IGFL2: variants seen among roughly 807,000 people sequenced by gnomAD.
The protein encoded by IGFL2 is insulin growth factor-like family member 2.
A neutral mutation model predicts 13.9 loss-of-function variants in IGFL2; 7 were observed. The ratio of observed to expected loss-of-function variants is 0.51; its 90% CI spans 0.29 to 0.95. The LOEUF (loss-of-function observed/expected upper bound fraction) is 0.95, where lower values mean the gene tolerates loss of function less well. Ranked by LOEUF, IGFL2 falls within the 40% of genes least tolerant of loss-of-function variation. The pLI, the probability that IGFL2 is intolerant of heterozygous loss-of-function variation, is 0.08. For synonymous variants in IGFL2, 55 were observed against 55.8 expected, an observed-to-expected ratio of 0.99 and a Z score of 0.07; for missense variants, 138 against 147.8, an observed-to-expected ratio of 0.93 and a Z score of 0.34.
chr19:46,079,153 G>A, the IGFL2 span, among the ~76,000 whole-genome samples: 2 of 152,284 alleles, frequency 1.3e-5, no homozygotes, highest in Non-Finnish European at 2.9e-5. Context: ...CGCAGGCGAT[G>A]GGTGAGGCGG....
the IGFL2 span, among the ~76,000 whole-genome samples, chr19:46,080,299 C>A: frequency 6.6e-6 from 1 of 151,990 alleles, no homozygotes; most frequent in South Asian, 2.1e-4. Context: ...TTTGGGAGGC[C>A]AAGATGGGAG....
chr19:46,098,922 G>T, the IGFL2 span, among the ~76,000 whole-genome samples: 1 of 152,164 alleles, frequency 6.6e-6, no homozygotes, highest in African/African-American at 2.4e-5. Flanking sequence ...AGTGTCGTTG[G>T]TCTTTGTACT....
chr19:46,206,439 A>G, the IGFL2 span, among the ~76,000 whole-genome samples: 5 of 152,296 alleles, frequency 3.3e-5, no homozygotes, highest in African/African-American at 1.2e-4. Flanking sequence ...CAGCATACGA[A>G]GCACCTAGAA....
the IGFL2 span, among the ~76,000 whole-genome samples, chr19:46,130,741 T>C: frequency 6.6e-6 from 1 of 152,200 alleles, no homozygotes; most frequent in East Asian, 1.9e-4. Flanking sequence ...TGATGTATAG[T>C]TCCTTTTCTG....
chr19:46,170,743 G>A, the IGFL2 span, among the ~76,000 whole-genome samples: 2 of 152,170 alleles, frequency 1.3e-5, no homozygotes, highest in Non-Finnish European at 2.9e-5. Flanking sequence ...TTGCAGATAA[G>A]GGATGAAACA....
upstream of IGFL2, among the ~76,000 whole-genome samples, chr19:46,146,131 GT>G (rs1600885684): frequency 6.6e-6 from 1 of 151,380 alleles, no homozygotes; most frequent in East Asian, 1.9e-4. Context: ...TTTGTATAGA[GT>G]GTGAGCTTTG....
the IGFL2 span, chr19:46,137,220 C>T: frequency 2.0e-6 from 3 of 1,527,430 alleles, no homozygotes; most frequent in Non-Finnish European, 2.7e-6. Flanking sequence ...ATCTTGGGCC[C>T]ACGGCAGGTA....
At chr19:46,196,697 T>G in the IGFL2 span, among the ~76,000 whole-genome samples, 1 of 152,156 alleles carries the variant, frequency 6.6e-6, no homozygotes, top group Non-Finnish European at 1.5e-5. Flanking sequence ...CCAGGACCCT[T>G]GAGCACAGGG....
At chr19:46,125,608 A>T in the IGFL2 span, among the ~76,000 whole-genome samples, 1 of 152,200 alleles carries the variant, frequency 6.6e-6, no homozygotes, top group African/African-American at 2.4e-5. Flanking sequence ...CAGCATAGGG[A>T]AGAGTTGCTG....
chr19:46,136,769 C>T, the IGFL2 span: 1 of 628,844 alleles, frequency 1.6e-6, no homozygotes, highest in Non-Finnish European at 3.0e-6. Flanking sequence ...TCGGCTGAAG[C>T]TCTGTCTCTC....
chr19:46,138,437 C>T (rs1472169348), upstream of IGFL2, among the ~76,000 whole-genome samples: 1 of 152,192 alleles, frequency 6.6e-6, no homozygotes, highest in Non-Finnish European at 1.5e-5. Flanking sequence ...AACAACACTC[C>T]AACGTGGGGT....
chr19:46,160,655 AG>A lies in IGFL2; in HGVS notation c.117del (p.Arg39SerfsTer22), dbSNP rs1568433795. On this transcript the variant is annotated frameshift_variant, in exon 3 of 4. Coordinates refer to ENST00000377693, the MANE Select transcript of IGFL2 (RefSeq NM_001135113.2). LOFTEE classifies it high-confidence loss of function. ...ACCATGGCTGTGCCAGCCGGCACCCAGGTGTGGAGACAAGATCTACAACCCC... is the reference window on the plus strand; with the variant it reads ...ACCATGGCTGTGCCAGCCGGCACCCAGTGTGGAGACAAGATCTACAACCCC... The part of the protein sequence containing the change: ...SEPWLCQPAP[R>X]CGDKIYNPLE... 6.2e-7 allele frequency: 1 copy of A among 1,614,148 alleles called. No individual in the cohort carries two copies. The highest frequency in any genetic ancestry group is 1.1e-5 in the South Asian group (1 of 91,082).
chr19:46,113,818 CAATA>C, the IGFL2 span: 1 of 157,416 alleles, frequency 6.4e-6, no homozygotes, highest in Non-Finnish European at 1.4e-5. Context: ...CAAAAAACAG[CAATA>C]AATAGATGAC....
chr19:46,212,067 T>TA, the IGFL2 span: 1 of 151,800 alleles, frequency 6.6e-6, no homozygotes, highest in Non-Finnish European at 1.5e-5. Context: ...TTTTTTCAAT[T>TA]AAAAAATAAC....
the IGFL2 span, among the ~76,000 whole-genome samples, chr19:46,128,907 T>A: frequency 6.6e-6 from 1 of 152,192 alleles, no homozygotes; most frequent in African/African-American, 2.4e-5. Context: ...TGGAATACTT[T>A]CAGTAGGAAT....
the IGFL2 span, among the ~76,000 whole-genome samples, chr19:46,182,433 G>T: frequency 6.9e-6 from 1 of 143,902 alleles, no homozygotes; most frequent in Non-Finnish European, 1.5e-5. Flanking sequence ...ATTTGCTTGT[G>T]TTTTTTTAGT....
the IGFL2 span, among the ~76,000 whole-genome samples, chr19:46,095,247 TG>T: frequency 6.6e-6 from 1 of 152,246 alleles, no homozygotes; most frequent in Non-Finnish European, 1.5e-5. Flanking sequence ...AGTATCTTGT[TG>T]TGATTTTGAT....
chr19:46,087,113 G>T, the IGFL2 span, among the ~76,000 whole-genome samples: 1 of 152,152 alleles, frequency 6.6e-6, no homozygotes, highest in East Asian at 1.9e-4. Flanking sequence ...CCTCCAGGTC[G>T]CTTGATCAGG....
the IGFL2 span, among the ~76,000 whole-genome samples, chr19:46,215,355 A>G: frequency 6.6e-6 from 1 of 152,190 alleles, no homozygotes; most frequent in South Asian, 2.1e-4. Context: ...AAATCTTCAT[A>G]AAATATACAT....
Sources: allele counts gnomAD v4.1 joint callset (sites outside exome capture counted in the v4.1 genomes callset), GRCh38; gene constraint gnomAD v4.1.1; transcripts MANE v1.5; gene names NCBI Gene and HGNC (gene_info 2026-07-23, HGNC 2026-07-21).